Variants in GPC6 observed in about 807,000 individuals in gnomAD.
GPC6 encodes glypican 6.
A neutral mutation model predicts 55.2 loss-of-function variants in GPC6; 14 were observed. The observed-to-expected ratio is 0.25, with a 90% CI of 0.17 to 0.40. The LOEUF is 0.40. Among genes scored for constraint, GPC6 ranks in the 10% least tolerant of loss-of-function variants. The pLI is 1.00. For synonymous variants in GPC6, 278 were observed against 259.6 expected, an observed-to-expected ratio of 1.07 and a Z score of -0.68; for missense variants, 641 against 708.5, an observed-to-expected ratio of 0.90 and a Z score of 1.08.
chr13:93,546,236 G>C (rs758695924), intron 2 of GPC6, among the ~76,000 whole-genome samples: 1 of 152,086 alleles, frequency 6.6e-6, no homozygotes, highest in South Asian at 2.1e-4. Context: ...GGCTCCGTTG[G>C]TCCTACAACA....
intron 1 of GPC6, among the ~76,000 whole-genome samples, chr13:93,319,141 T>A (rs1236833636): frequency 6.6e-6 from 1 of 152,174 alleles, no homozygotes; most frequent in East Asian, 1.9e-4. Flanking sequence ...CTGGAGAAAC[T>A]GGCTCCAGAG....
rs549549032 is a variant in GPC6, at chr13:93,455,244, G to T, written c.161-90019G>T. Among the ~76,000 whole-genome samples the T allele has an allele frequency of 3.4e-3, 517 of 152,332 alleles. 3 individuals are homozygous for T. Among genetic ancestry groups the T allele is most frequent in the African/African-American group, 0.011 (476 of 41,586 alleles). The stretch of plus-strand genomic sequence containing the variant: ...CAGAAAGGGGCTCCCACAGTGCAGC[G>T]GTGGGCTGAAGGGCTCCTCAAGTGC... On this transcript the variant is annotated intron_variant, in intron 1 of 8. Coordinates refer to ENST00000377047, the MANE Select transcript of GPC6 (RefSeq NM_005708.5).
At chr13:94,152,778 G>T (rs1887789388) in intron 4 of GPC6, among the ~76,000 whole-genome samples, 1 of 152,036 alleles carries the variant, frequency 6.6e-6, no homozygotes, top group Non-Finnish European at 1.5e-5. Context: ...ACCCTTAGGG[G>T]AATTTATGCT....
intron 4 of GPC6, among the ~76,000 whole-genome samples, chr13:94,158,609 A>C (rs1888042324): frequency 6.6e-6 from 1 of 152,206 alleles, no homozygotes; most frequent in Non-Finnish European, 1.5e-5. Context: ...ACAGAAAATG[A>C]GAGCAAGTAA....
In GPC6 at chr13:93,242,938, T is replaced by C. The variant is rs540827365; in HGVS notation, c.160+15322T>C. Among the ~76,000 whole-genome samples, 68 of 152,006 alleles carry C rather than the reference T, an allele frequency of 4.5e-4. 1 individual carries two copies. The highest frequency in any genetic ancestry group is 1.4e-3 in the African/African-American group (58 of 41,452). On this transcript the variant is annotated intron_variant, in intron 1 of 8. Transcript: ENST00000377047. Reference sequence around the variant, plus strand: ...ATCCTGTGATGTGAAGACACAAGGGTTGGAAGTCCCTGAGCAGAACAAAGT... The same window carrying C: ...ATCCTGTGATGTGAAGACACAAGGGCTGGAAGTCCCTGAGCAGAACAAAGT...
At chr13:93,305,688 GC>G (rs149322104) in intron 1 of GPC6, among the ~76,000 whole-genome samples, 151 of 152,222 alleles carry the variant, frequency 9.9e-4, no homozygotes, top group African/African-American at 3.6e-3. Flanking sequence ...ATGTTGTCTT[GC>G]ATTAGGGCCC....
chr13:93,925,634 C>T (rs1877817406), intron 3 of GPC6, among the ~76,000 whole-genome samples: 1 of 152,074 alleles, frequency 6.6e-6, no homozygotes, highest in Non-Finnish European at 1.5e-5. Context: ...ACAAACTATC[C>T]CAAAACTTTG....
chr13:94,237,589 G>A (rs2139021141), intron 4 of GPC6, among the ~76,000 whole-genome samples: 1 of 152,290 alleles, frequency 6.6e-6, no homozygotes, highest in Admixed American at 6.5e-5. Flanking sequence ...TGAACAAGGA[G>A]ACGAAGAGCA....
chr13:94,252,038 T>C (rs1891366062), intron 4 of GPC6, among the ~76,000 whole-genome samples: 1 of 152,132 alleles, frequency 6.6e-6, no homozygotes, highest in South Asian at 2.1e-4. Context: ...GATGTTCTCC[T>C]GGCACCGCTA....
intron 1 of GPC6, among the ~76,000 whole-genome samples, chr13:93,304,280 A>G (rs1282456873): frequency 6.6e-6 from 1 of 152,184 alleles, no homozygotes; most frequent in African/African-American, 2.4e-5. Context: ...ACTCTATCCT[A>G]GGGCTTACAT....
chr13:93,789,522 T>TATATATATATATAC (rs1444246095), intron 2 of GPC6, among the ~76,000 whole-genome samples: 10 of 139,254 alleles, frequency 7.2e-5, no homozygotes, highest in African/African-American at 2.7e-4. Flanking sequence ...TATATATATA[T>TATATATATATATAC]ATATATATAT....
chr13:94,146,183 G>T (rs186644332), intron 4 of GPC6, among the ~76,000 whole-genome samples: 2 of 152,136 alleles, frequency 1.3e-5, no homozygotes, highest in Admixed American at 1.3e-4. Flanking sequence ...TGAAGGTGGA[G>T]TCTTCATGTT....
At chr13:94,382,317 T>A in intron 6 of GPC6, 97 bp from the exon 7 acceptor site, 1 of 1,256,754 alleles carries the variant, frequency 8.0e-7, no homozygotes, top group Non-Finnish European at 1.2e-6. Flanking sequence ...GCTGGTCATA[T>A]CACAGGTTCT....
chr13:94,019,145 C>A (rs549162404), intron 3 of GPC6, among the ~76,000 whole-genome samples: 1 of 152,184 alleles, frequency 6.6e-6, no homozygotes, highest in African/African-American at 2.4e-5. Flanking sequence ...TTTCTTGATT[C>A]TTCTTTAATG....
At chr13:93,420,108 A>C (rs1876873043) in intron 1 of GPC6, among the ~76,000 whole-genome samples, 1 of 152,192 alleles carries the variant, frequency 6.6e-6, no homozygotes, top group Non-Finnish European at 1.5e-5. Flanking sequence ...TACAGAGCTA[A>C]AAAGTAACAT....
chr13:94,320,500 G>A (rs1458574428), intron 6 of GPC6, among the ~76,000 whole-genome samples: 1 of 152,022 alleles, frequency 6.6e-6, no homozygotes, highest in Non-Finnish European at 1.5e-5. Context: ...AAGTCTGGGT[G>A]GCCTGTGTTG....
intron 1 of GPC6, among the ~76,000 whole-genome samples, chr13:93,446,504 G>A (rs1162605266): frequency 6.6e-6 from 1 of 152,150 alleles, no homozygotes; most frequent in African/African-American, 2.4e-5. Flanking sequence ...CAGCCAAGTT[G>A]GGTTTTTATG....
At chr13:93,918,554 T>C in intron 3 of GPC6, among the ~76,000 whole-genome samples, 1 of 152,230 alleles carries the variant, frequency 6.6e-6, no homozygotes, top group East Asian at 1.9e-4. Context: ...AAAGTTTAGC[T>C]GATAAGAGAG....
chr13:93,841,256 T>A (rs957006017), intron 3 of GPC6, among the ~76,000 whole-genome samples: 1 of 152,196 alleles, frequency 6.6e-6, no homozygotes, highest in Non-Finnish European at 1.5e-5. Context: ...GCCTTAATAG[T>A]GCTGACATAG....
Sources: allele counts gnomAD v4.1 joint callset (sites outside exome capture counted in the v4.1 genomes callset), GRCh38; gene constraint gnomAD v4.1.1; transcripts MANE v1.5; gene names NCBI Gene and HGNC (gene_info 2026-07-23, HGNC 2026-07-21).